The following NKAIN2 variants were observed in gnomAD, a reference collection of about 807,000 sequenced individuals.
NKAIN2 encodes sodium/potassium-transporting ATPase subunit beta-1-interacting protein 2.
Under a neutral mutation model 32.6 loss-of-function variants are expected in NKAIN2, and 14 were observed. The ratio of observed to expected loss-of-function variants is 0.43; its 90% CI spans 0.28 to 0.67. The LOEUF is 0.67. NKAIN2 is among the 30% of genes least tolerant of loss of function. The pLI, the probability that NKAIN2 is intolerant of heterozygous loss-of-function variation, is 0.17. For missense variants in NKAIN2, 198 were observed against 258.3 expected (o/e 0.77, Z 1.60); for synonymous variants, 80 against 87.2 (o/e 0.92, Z 0.46).
intron 3 of NKAIN2, among the ~76,000 whole-genome samples, chr6:124,584,655 G>GAAA (rs34014858): frequency 3.4e-5 from 3 of 87,200 alleles, no homozygotes; most frequent in Non-Finnish European, 7.1e-5. Flanking sequence ...CTCCATCTCA[G>GAAA]AAAAAAAAAA....
intron 4 of NKAIN2, among the ~76,000 whole-genome samples, chr6:124,713,574 CA>C (rs1401180736): frequency 2.6e-5 from 4 of 152,056 alleles, no homozygotes; most frequent in African/African-American, 9.7e-5. Context: ...TTTGTGGTTT[CA>C]TTTTAGGAAA....
At chr6:124,263,677 A>T (rs1247321545) in intron 1 of NKAIN2, among the ~76,000 whole-genome samples, 1 of 151,924 alleles carries the variant, frequency 6.6e-6, no homozygotes, top group Non-Finnish European at 1.5e-5. Flanking sequence ...CTTGTTTGTA[A>T]ACCGTATCAT....
At chr6:123,888,401 T>A (rs2114361422) in intron 1 of NKAIN2, among the ~76,000 whole-genome samples, 1 of 152,268 alleles carries the variant, frequency 6.6e-6, no homozygotes, top group South Asian at 2.1e-4. Context: ...TAAAATGCAC[T>A]TTTAGATAAC....
intron 2 of NKAIN2, among the ~76,000 whole-genome samples, chr6:124,335,426 C>T (rs1302581302): frequency 6.6e-6 from 1 of 152,062 alleles, no homozygotes; most frequent in African/African-American, 2.4e-5. Flanking sequence ...TCATATTTCC[C>T]AATTAAGATA....
At chr6:124,126,814 G>T (rs1786188755) in intron 1 of NKAIN2, among the ~76,000 whole-genome samples, 1 of 152,142 alleles carries the variant, frequency 6.6e-6, no homozygotes, top group African/African-American at 2.4e-5. Context: ...AATTAGCTGG[G>T]TGTGGTAGCA....
chr6:124,520,988 C>T (rs1021348820), intron 3 of NKAIN2, among the ~76,000 whole-genome samples: 1 of 152,124 alleles, frequency 6.6e-6, no homozygotes, highest in African/African-American at 2.4e-5. Context: ...TAATCTGGGT[C>T]CTTGCTAAAC....
intron 1 of NKAIN2, among the ~76,000 whole-genome samples, chr6:124,270,649 A>G (rs1794717532): frequency 6.6e-6 from 1 of 152,236 alleles, no homozygotes; most frequent in African/African-American, 2.4e-5. Context: ...AGTACTGAAC[A>G]AATAGATGCT....
intron 3 of NKAIN2, among the ~76,000 whole-genome samples, chr6:124,641,469 A>G (rs1311744170): frequency 7.2e-6 from 1 of 138,208 alleles, no homozygotes; most frequent in Non-Finnish European, 1.5e-5. Context: ...ATTTTACATT[A>G]TATCTTTAGT....
chr6:124,529,287 G>A (rs1026058389), intron 3 of NKAIN2, among the ~76,000 whole-genome samples: 3 of 152,090 alleles, frequency 2.0e-5, no homozygotes, highest in South Asian at 2.1e-4. Flanking sequence ...TAAAAGGTAC[G>A]GGGCCCACCC....
intron 1 of NKAIN2, among the ~76,000 whole-genome samples, chr6:123,939,022 A>G (rs1050668773): frequency 6.6e-6 from 1 of 151,920 alleles, no homozygotes; most frequent in Non-Finnish European, 1.5e-5. Context: ...ATGTCAGGAG[A>G]CATTATAGCT....
In NKAIN2 at chr6:124,406,032, G is replaced by GTA. The variant is rs1554201899; in HGVS notation, c.273+50686_273+50687insAT. ...CACCACGGTGTGTGTGTGTGTGTGTGTGTAATTCTGTACAAATGAGTATGT... is the reference window on the plus strand; with the variant it reads ...CACCACGGTGTGTGTGTGTGTGTGTGTATGTAATTCTGTACAAATGAGTATGT... On this transcript the variant is annotated intron_variant, in intron 3 of 6. Coordinates refer to ENST00000368417, the MANE Select transcript of NKAIN2 (RefSeq NM_001040214.3). 3.2e-3 allele frequency among the ~76,000 whole-genome samples: 487 copies of GTA among 152,178 alleles called. 3 individuals are homozygous for GTA. The highest frequency in any genetic ancestry group is 0.01 in the African/African-American group (434 of 41,510).
At chr6:124,805,847 A>C (rs1780524262) in intron 5 of NKAIN2, among the ~76,000 whole-genome samples, 1 of 152,272 alleles carries the variant, frequency 6.6e-6, no homozygotes, top group Non-Finnish European at 1.5e-5. Context: ...AGAATGCAGA[A>C]GCCTCAGGAG....
intron 3 of NKAIN2, among the ~76,000 whole-genome samples, chr6:124,535,837 GAGCAGTTC>G (rs1779691282): frequency 6.6e-6 from 1 of 152,180 alleles, no homozygotes; most frequent in South Asian, 2.1e-4. Context: ...GAGGGAGCAG[GAGCAGTTC>G]AGGAAGACAG....
At chr6:124,599,168 C>T (rs1782212327) in intron 3 of NKAIN2, among the ~76,000 whole-genome samples, 1 of 151,746 alleles carries the variant, frequency 6.6e-6, no homozygotes, top group African/African-American at 2.4e-5. Context: ...TTTGGTGCCT[C>T]ATCAAACCCT....
intron 1 of NKAIN2, among the ~76,000 whole-genome samples, chr6:124,025,310 C>A (rs1475613828): frequency 6.6e-6 from 1 of 152,136 alleles, no homozygotes; most frequent in Admixed American, 6.5e-5. Context: ...CTGAGACATG[C>A]AGTAGGAGAT....
At chr6:124,750,199 G>A (rs1371173043) in intron 4 of NKAIN2, among the ~76,000 whole-genome samples, 1 of 151,960 alleles carries the variant, frequency 6.6e-6, no homozygotes, top group East Asian at 2.0e-4. Flanking sequence ...TCATATGATG[G>A]ACATTTACTA....
At chr6:124,231,526 C>T (rs1013811567) in intron 1 of NKAIN2, among the ~76,000 whole-genome samples, 2 of 152,086 alleles carry the variant, frequency 1.3e-5, no homozygotes, top group African/African-American at 4.8e-5. Context: ...CCATAATTCC[C>T]ACGTGTCATG....
intron 4 of NKAIN2, among the ~76,000 whole-genome samples, chr6:124,696,217 T>C (rs1285016619): frequency 6.6e-6 from 1 of 152,132 alleles, no homozygotes; most frequent in Non-Finnish European, 1.5e-5. Flanking sequence ...TGACCTACCT[T>C]GGAGAAGATG....
At chr6:124,803,832 T>C (rs1390464888) in intron 5 of NKAIN2, among the ~76,000 whole-genome samples, 1 of 152,250 alleles carries the variant, frequency 6.6e-6, no homozygotes, top group African/African-American at 2.4e-5. Context: ...TAAATGTGCA[T>C]TTTGAAGCAT....
Sources: allele counts gnomAD v4.1 joint callset (sites outside exome capture counted in the v4.1 genomes callset), GRCh38; gene constraint gnomAD v4.1.1; transcripts MANE v1.5; gene names NCBI Gene and HGNC (gene_info 2026-07-23, HGNC 2026-07-21).